Variants in NAALADL2 observed in about 807,000 individuals in gnomAD.
NAALADL2 encodes the protein inactive N-acetylated-alpha-linked acidic dipeptidase-like protein 2.
In NAALADL2, 76 loss-of-function variants were observed where a neutral mutation model predicts 87.2. The observed-to-expected ratio is 0.87, with a 90% confidence interval of 0.72 to 1.05. NAALADL2 has a LOEUF of 1.05. Among genes scored for constraint, NAALADL2 ranks in the 50% least tolerant of loss-of-function variants. The probability of loss-of-function intolerance (pLI) is 0.00; values close to 1 mark genes in which losing one functional copy is unlikely to be tolerated. For synonymous variants in NAALADL2, 354 were observed against 331.0 expected (o/e 1.07, Z -0.75); for missense variants, 1,089 against 945.8 (o/e 1.15, Z -1.99).
intron 2 of NAALADL2, among the ~76,000 whole-genome samples, chr3:174,580,207 C>T (rs1716006003): frequency 6.6e-6 from 1 of 151,882 alleles, no homozygotes; most frequent in Non-Finnish European, 1.5e-5. Flanking sequence ...TTTTATGAAG[C>T]TGTTGAGTAG....
chr3:175,105,652 C>G (rs1164603655), intron 2 of NAALADL2, among the ~76,000 whole-genome samples: 2 of 45,068 alleles, frequency 4.4e-5, no homozygotes, highest in East Asian at 8.6e-4. Context: ...GACACACACA[C>G]ACACACACAC....
intron 11 of NAALADL2, among the ~76,000 whole-genome samples, chr3:175,662,302 T>G (rs114337678): frequency 0.014 from 2,062 of 152,084 alleles, 53 homozygotes; most frequent in African/African-American, 0.047. Flanking sequence ...TTGATCACCA[T>G]TAGAACATAG....
chr3:175,408,447 AAACT>A (rs900056636), intron 5 of NAALADL2, among the ~76,000 whole-genome samples: 12 of 152,046 alleles, frequency 7.9e-5, no homozygotes, highest in African/African-American at 2.9e-4. Context: ...ACATATATAA[AAACT>A]AACAAATATT....
intron 10 of NAALADL2, among the ~76,000 whole-genome samples, chr3:175,586,102 T>C (rs1397878590): frequency 6.6e-6 from 1 of 152,168 alleles, no homozygotes; most frequent in African/African-American, 2.4e-5. Context: ...ATGATGACTA[T>C]GGCCATGAAT....
intron 2 of NAALADL2, among the ~76,000 whole-genome samples, chr3:175,180,996 T>A (rs1437322403): frequency 6.6e-6 from 1 of 152,044 alleles, no homozygotes; most frequent in Non-Finnish European, 1.5e-5. Context: ...TATAGCTGTG[T>A]GTGTGGTTGA....
intron 1 of NAALADL2, among the ~76,000 whole-genome samples, chr3:174,902,533 T>A (rs1385747002): frequency 6.6e-6 from 1 of 152,002 alleles, no homozygotes; most frequent in Non-Finnish European, 1.5e-5. Context: ...ATTAAAGATG[T>A]ACATGAAAGA....
intron 1 of NAALADL2, among the ~76,000 whole-genome samples, chr3:175,013,079 AATACATATTTATATATAAAT>A (rs1325224216): frequency 7.8e-5 from 7 of 89,734 alleles, no homozygotes; most frequent in South Asian, 3.4e-4. Flanking sequence ...ATAAATATGT[AATACATATTTATATATAAAT>A]ATACATATTT....
intron 5 of NAALADL2, among the ~76,000 whole-genome samples, chr3:175,397,695 C>T (rs1417647799): frequency 2.6e-5 from 4 of 152,068 alleles, no homozygotes; most frequent in Admixed American, 6.6e-5. Flanking sequence ...GTGGGTACAC[C>T]GTGTTTTATT....
At chr3:174,951,570 G>C (rs960354367) in intron 1 of NAALADL2, among the ~76,000 whole-genome samples, 2 of 152,014 alleles carry the variant, frequency 1.3e-5, no homozygotes, top group Non-Finnish European at 2.9e-5. Flanking sequence ...TAGATGGTGA[G>C]GCAATATATG....
chr3:174,712,281 A>G (rs1364469180), intron 2 of NAALADL2, among the ~76,000 whole-genome samples: 2 of 151,876 alleles, frequency 1.3e-5, no homozygotes, highest in African/African-American at 2.4e-5. Context: ...AAATAAGGGT[A>G]CGTCTGGCTC....
intron 3 of NAALADL2, among the ~76,000 whole-genome samples, chr3:174,765,435 ATC>A (rs1212212002): frequency 3.9e-5 from 6 of 152,134 alleles, no homozygotes; most frequent in Admixed American, 1.3e-4. Flanking sequence ...TATCATATTT[ATC>A]TCCTCTACTA....
chr3:175,647,182 T>C (rs1290951359), intron 11 of NAALADL2, among the ~76,000 whole-genome samples: 1 of 152,078 alleles, frequency 6.6e-6, no homozygotes, highest in Non-Finnish European at 1.5e-5. Flanking sequence ...GATAGAAAAA[T>C]GCATCCTACT....
intron 1 of NAALADL2, among the ~76,000 whole-genome samples, chr3:174,470,989 AT>A (rs1023481056): frequency 4.0e-5 from 6 of 151,702 alleles, no homozygotes; most frequent in African/African-American, 1.2e-4. Context: ...AGTTATTTTT[AT>A]TTTTTTTCTT....
chr3:175,241,688 G>A (rs192054496), intron 3 of NAALADL2, among the ~76,000 whole-genome samples: 5 of 152,084 alleles, frequency 3.3e-5, no homozygotes, highest in African/African-American at 1.2e-4. Flanking sequence ...GAGAGAGTAC[G>A]TTTTCTACCC....
intron 2 of NAALADL2, among the ~76,000 whole-genome samples, chr3:175,194,237 T>C (rs1049543362): frequency 1.9e-4 from 29 of 151,914 alleles, no homozygotes; most frequent in African/African-American, 6.0e-4. Flanking sequence ...GTTAACAGGT[T>C]GAATGAAATT....
chr3:174,790,842 A>G (rs1717379110), intron 3 of NAALADL2, among the ~76,000 whole-genome samples: 1 of 152,112 alleles, frequency 6.6e-6, no homozygotes, highest in East Asian at 1.9e-4. Flanking sequence ...ATATTGTCTT[A>G]TTATTATTTA....
intron 1 of NAALADL2, among the ~76,000 whole-genome samples, chr3:174,936,089 A>G (rs1737648180): frequency 6.6e-6 from 1 of 152,138 alleles, no homozygotes; most frequent in Non-Finnish European, 1.5e-5. Flanking sequence ...ATGGTTGAAA[A>G]GGGAATTAAT....
At chr3:174,571,286 A>G (rs1714886587) in intron 2 of NAALADL2, among the ~76,000 whole-genome samples, 1 of 152,208 alleles carries the variant, frequency 6.6e-6, no homozygotes. Context: ...TCGTTTTTTT[A>G]GTGAGACTAT....
chr3:174,958,834 TTTAA>T (rs1410235229), intron 1 of NAALADL2, among the ~76,000 whole-genome samples: 1 of 152,086 alleles, frequency 6.6e-6, no homozygotes, highest in Non-Finnish European at 1.5e-5. Context: ...TCATAAGAAA[TTTAA>T]TTATATCTGT....
Sources: gnomAD v4.1 joint callset for allele counts (sites outside exome capture counted in the v4.1 genomes callset) on GRCh38, gnomAD v4.1.1 for gene constraint, MANE v1.5 for transcripts, NCBI Gene and HGNC (gene_info 2026-07-23, HGNC 2026-07-21) for gene names.